Variants in TMEFF1 observed in about 807,000 individuals in gnomAD.
The protein encoded by TMEFF1 is transmembrane protein with EGF like and two follistatin like domains 1, also known as tomoregulin-1.
Under a neutral mutation model 47.5 loss-of-function variants are expected in TMEFF1, and 20 were observed. The observed-to-expected ratio is 0.42, with a 90% confidence interval of 0.30 to 0.61. The LOEUF is 0.61. TMEFF1 is among the 20% of genes least tolerant of loss of function. The pLI, the probability that TMEFF1 is intolerant of heterozygous loss-of-function variation, is 0.19. For synonymous variants in TMEFF1, 162 were observed against 166.3 expected (o/e 0.97, Z 0.20); for missense variants, 411 against 471.1 (o/e 0.87, Z 1.18).
At chr9:100,550,915 C>T (rs2118518814) in intron 7 of TMEFF1, among the ~76,000 whole-genome samples, 1 of 152,340 alleles carries the variant, frequency 6.6e-6, no homozygotes, top group South Asian at 2.1e-4. Context: ...TTCCAGGTCC[C>T]TTGACTTCAA....
intron 2 of TMEFF1, among the ~76,000 whole-genome samples, chr9:100,504,944 A>G (rs1318492297): frequency 6.6e-6 from 1 of 152,248 alleles, no homozygotes; most frequent in African/African-American, 2.4e-5. Flanking sequence ...ATTAACCTAC[A>G]TAAACACATG....
chr9:100,565,804 T>C (rs1282585176), intron 8 of TMEFF1, among the ~76,000 whole-genome samples: 1 of 152,220 alleles, frequency 6.6e-6, no homozygotes. Flanking sequence ...TAAACTTTTA[T>C]TTATTCCATC....
chr9:100,537,187 A>G (rs73655588), intron 5 of TMEFF1, among the ~76,000 whole-genome samples: 20,180 of 152,228 alleles, frequency 0.13, 1,448 homozygotes, highest in Middle Eastern at 0.18. Context: ...GGTTATCAGA[A>G]AAGTTAATGC....
chr9:100,563,379 A>G (rs1483294178), intron 8 of TMEFF1, among the ~76,000 whole-genome samples: 4 of 152,230 alleles, frequency 2.6e-5, no homozygotes, highest in Admixed American at 6.5e-5. Context: ...TACTTAAATG[A>G]AGGACGAGAG....
intron 5 of TMEFF1, among the ~76,000 whole-genome samples, chr9:100,519,743 T>G (rs934054744): frequency 3.5e-4 from 53 of 150,910 alleles, no homozygotes; most frequent in African/African-American, 1.3e-3. Flanking sequence ...GTATTAAGTC[T>G]TGGTCACTCT....
At chr9:100,532,433 G>GA (rs1338802772) in intron 5 of TMEFF1, among the ~76,000 whole-genome samples, 1 of 152,158 alleles carries the variant, frequency 6.6e-6, no homozygotes, top group East Asian at 1.9e-4. Context: ...CAAAGGACAT[G>GA]AACAGACATT....
At chr9:100,498,678 T>C in intron 1 of TMEFF1, 87 bp from the exon 2 acceptor site, 1 of 1,269,010 alleles carries the variant, frequency 7.9e-7, no homozygotes, top group East Asian at 2.5e-5. Flanking sequence ...TTTAAGGACT[T>C]TTTCATACAC....
chr9:100,532,491 T>C (rs1024248273), intron 5 of TMEFF1, among the ~76,000 whole-genome samples: 7 of 152,084 alleles, frequency 4.6e-5, no homozygotes, highest in African/African-American at 1.7e-4. Context: ...GAAAAAATGC[T>C]CATCATCACT....
chr9:100,509,594 A>G (rs1002185932), intron 3 of TMEFF1, among the ~76,000 whole-genome samples: 4 of 152,112 alleles, frequency 2.6e-5, no homozygotes, highest in Non-Finnish European at 1.5e-5. Flanking sequence ...TAACACAGTG[A>G]AACCCCGTCT....
rs1392673494 is a variant in TMEFF1, at chr9:100,473,429, C to CG, written c.-114dup. 2 of 793,688 alleles carry CG rather than the reference C, an allele frequency of 2.5e-6. No homozygotes were observed. Among genetic ancestry groups the CG allele is most frequent in the Non-Finnish European group, 3.4e-6 (2 of 595,408 alleles). 49.2% of individuals were successfully genotyped at this position (793,688 alleles called of 1,614,324 possible). ...GCGGGGATGCTGACGGGCTGCTCCC[C>CG]GGCTCAGCGGCGCGGCTGCTAGGAG... On this transcript the variant is annotated 5_prime_UTR_variant, in exon 1 of 10. The change abolishes the stop of an existing upstream ORF in the 5' untranslated region. Transcript: ENST00000374879. The surrounding 1 kb of genome is among the most constrained non-coding windows in gnomAD (Gnocchi z 5.4).
At chr9:100,547,706 T>G in intron 5 of TMEFF1, 38 bp from the exon 6 acceptor site, 3 of 1,438,226 alleles carry the variant, frequency 2.1e-6, no homozygotes, top group South Asian at 1.7e-5. Context: ...GAAATATTTT[T>G]GTTGTAAAAT....
intron 8 of TMEFF1, among the ~76,000 whole-genome samples, chr9:100,572,096 G>A (rs1416646052): frequency 2.6e-5 from 4 of 151,992 alleles, no homozygotes; most frequent in African/African-American, 9.7e-5. Flanking sequence ...CATGGCCCGG[G>A]AGTTGGGGGG....
At chr9:100,538,881 C>T (rs1380907885) in intron 5 of TMEFF1, among the ~76,000 whole-genome samples, 1 of 152,024 alleles carries the variant, frequency 6.6e-6, no homozygotes, top group Non-Finnish European at 1.5e-5. Context: ...TATTCTTTCA[C>T]ATTTTCTGGT....
chr9:100,482,829 C>G (rs1326837312), intron 1 of TMEFF1, among the ~76,000 whole-genome samples: 1 of 152,156 alleles, frequency 6.6e-6, no homozygotes, highest in Non-Finnish European at 1.5e-5. Flanking sequence ...CTGAACTCCT[C>G]TCCTGCCTGT....
intron 3 of TMEFF1, 42 bp from the exon 4 acceptor site, chr9:100,513,265 C>A (rs1190076980): frequency 6.4e-7 from 1 of 1,573,806 alleles, no homozygotes. Context: ...GATGAAATTT[C>A]CGGGAAAAAT....
chr9:100,492,930 A>G (rs1837582468), intron 1 of TMEFF1, among the ~76,000 whole-genome samples: 2 of 152,188 alleles, frequency 1.3e-5, no homozygotes, highest in Admixed American at 1.3e-4. Flanking sequence ...TGAAATGGAG[A>G]ATAGCTGTGG....
chr9:100,505,830 G>A (rs556704492), intron 2 of TMEFF1, among the ~76,000 whole-genome samples: 47 of 152,192 alleles, frequency 3.1e-4, no homozygotes, highest in Non-Finnish European at 6.0e-4. Context: ...GAATGAAGTG[G>A]GATTGGAAAG....
chr9:100,536,663 G>C (rs1377087446), intron 5 of TMEFF1, among the ~76,000 whole-genome samples: 1 of 152,146 alleles, frequency 6.6e-6, no homozygotes, highest in East Asian at 1.9e-4. Flanking sequence ...TTGTTAGTAA[G>C]AGCATGCTAA....
At chr9:100,545,041 A>G (rs1023898926) in intron 5 of TMEFF1, among the ~76,000 whole-genome samples, 7 of 152,124 alleles carry the variant, frequency 4.6e-5, no homozygotes, top group Admixed American at 2.0e-4. Flanking sequence ...GGCTGCTTTC[A>G]TGGGCTGGCA....
Sources: allele counts gnomAD v4.1 joint callset (sites outside exome capture counted in the v4.1 genomes callset), GRCh38; gene constraint gnomAD v4.1.1; non-coding constraint Gnocchi (gnomAD v3.1); transcripts MANE v1.5; gene names NCBI Gene and HGNC (gene_info 2026-07-23, HGNC 2026-07-21).